Variants in MASP1 observed in about 807,000 individuals in gnomAD.
MASP1 encodes MBL associated serine protease 1, also known as mannan-binding lectin serine protease 1.
Under a neutral mutation model 77.1 loss-of-function variants are expected in MASP1, and 59 were observed. That is an observed-to-expected ratio of 0.77 (90% CI 0.62 to 0.95). The LOEUF (loss-of-function observed/expected upper bound fraction) is 0.95, where lower values mean the gene tolerates loss of function less well. MASP1 is among the 40% of genes least tolerant of loss of function. The pLI, the probability that MASP1 is intolerant of heterozygous loss-of-function variation, is 0.00. For synonymous variants in MASP1, 362 were observed against 354.5 expected, an observed-to-expected ratio of 1.02 and a Z score of -0.24; for missense variants, 885 against 912.9, an observed-to-expected ratio of 0.97 and a Z score of 0.39.
chr3:187,247,018 C>T, intron 8 of MASP1: 4 of 1,277,196 alleles, frequency 3.1e-6, no homozygotes, highest in Non-Finnish European at 4.0e-6. Context: ...TCTTTTGTCT[C>T]AAGGACCAAG....
chr3:187,262,662 T>C lies in MASP1; in HGVS notation c.296A>G (p.Glu99Gly). ...GACCACCTCCTGGCCGGGAGTCTGC[T>C]CTGTGTCTGTGGTCTCCCTGCCACA... ...TFCGRETTDTEQTPGQEVVLS... is the reference protein window; with the variant it reads ...TFCGRETTDTGQTPGQEVVLS... Residue 99 changes from glutamate (E) to glycine (G), a missense_variant, in exon 3 of 11, where the codon GAG becomes GGG. Physicochemically the swap from Glu to Gly is moderately conservative, Grantham distance 98. Coordinates refer to ENST00000296280, the MANE Select transcript of MASP1 (RefSeq NM_139125.4). 1 of 1,614,138 alleles carries C rather than the reference T, an allele frequency of 6.2e-7. No homozygotes were observed. Among genetic ancestry groups the C allele is most frequent in the Non-Finnish European group, 8.5e-7 (1 of 1,180,016 alleles).
chr3:187,265,666 G>A (rs1473624464), intron 2 of MASP1, among the ~76,000 whole-genome samples: 1 of 152,196 alleles, frequency 6.6e-6, no homozygotes, highest in Non-Finnish European at 1.5e-5. Context: ...GGAAACAGAG[G>A]TCAAGAGAGG....
chr3:187,273,533 C>A (rs759297576), intron 2 of MASP1, among the ~76,000 whole-genome samples: 19 of 152,102 alleles, frequency 1.2e-4, no homozygotes, highest in Non-Finnish European at 2.5e-4. Flanking sequence ...CAATGATTCA[C>A]CGACAGCCCC....
chr3:187,234,856 T>C lies in MASP1; in HGVS notation c.*828A>G, dbSNP rs1560236637. The C allele has an allele frequency of 7.8e-7, 1 of 1,287,246 alleles. No homozygotes were observed. The allele number at this position is 1,287,246 out of a possible 1,614,324, so 79.7% of individuals were successfully genotyped here. A position where few individuals can be genotyped will look rare whatever the true frequency, so the allele number is the denominator to read the frequency against. ...TACATTTCAAGGCTGAAAGATTGCT[T>C]TGTGCTTGTCTGGAGCAGCAGGTGT... On this transcript the variant is annotated 3_prime_UTR_variant, in exon 11 of 11. Coordinates refer to ENST00000296280, the MANE Select transcript of MASP1 (RefSeq NM_139125.4).
intron 8 of MASP1, among the ~76,000 whole-genome samples, chr3:187,245,307 T>C (rs575164868): frequency 3.3e-4 from 51 of 152,314 alleles, no homozygotes; most frequent in African/African-American, 1.2e-3. Flanking sequence ...TTGGTATCAC[T>C]CATCTCCCTT....
rs558709704 is a variant in MASP1 at position 187,251,231 on chromosome 3, A to G, written c.1011+403T>C. Reference sequence around the variant, plus strand: ...CGCCTGGGCCTCCCAAAGTGCTGGGATTACAGGCATGAGCCACCATGCTCA... The same window carrying G: ...CGCCTGGGCCTCCCAAAGTGCTGGGGTTACAGGCATGAGCCACCATGCTCA... On this transcript the variant is annotated intron_variant, in intron 7 of 10. Coordinates refer to ENST00000296280, the MANE Select transcript of MASP1 (RefSeq NM_139125.4). 77 of 212,358 alleles carry G rather than the reference A, an allele frequency of 3.6e-4. 1 individual carries two copies. The highest frequency in any genetic ancestry group is 1.7e-3 in the African/African-American group (75 of 43,268). 13.2% of individuals were successfully genotyped at this position (212,358 alleles called of 1,614,324 possible).
chr3:187,235,866 C>T lies in MASP1; in HGVS notation c.2005G>A (p.Val669Ile). Residue 669 changes from valine to isoleucine, a missense_variant, in exon 11 of 11, where the codon GTC becomes ATC. Transcript: ENST00000296280. ...TCLGDSGGAFVIFDDLSQRWV... is the reference protein window; with the variant it reads ...TCLGDSGGAFIIFDDLSQRWV... Reference sequence around the variant, plus strand: ...CGCTGGCTCAAGTCATCAAAGATGACAAAGGCCCCACCGCTATCTCCAAGG... The same window carrying T: ...CGCTGGCTCAAGTCATCAAAGATGATAAAGGCCCCACCGCTATCTCCAAGG... 3.1e-6 allele frequency: 5 copies of T among 1,614,194 alleles called. No individual in the cohort carries two copies. The highest frequency in any genetic ancestry group is 2.5e-6 in the Non-Finnish European group (3 of 1,180,040).
chr3:187,290,028 T>C (rs972026843), intron 1 of MASP1, among the ~76,000 whole-genome samples: 2 of 152,140 alleles, frequency 1.3e-5, no homozygotes, highest in Non-Finnish European at 2.9e-5. Flanking sequence ...TGAATTCAAT[T>C]CAACAAATAG....
chr3:187,251,369 A>C, intron 7 of MASP1: 37 of 430,274 alleles, frequency 8.6e-5, no homozygotes, highest in East Asian at 2.0e-4. Flanking sequence ...ATAGAGCTGT[A>C]TGGATCCATA....
intron 1 of MASP1, among the ~76,000 whole-genome samples, chr3:187,289,389 G>T (rs1271023960): frequency 6.6e-6 from 1 of 152,088 alleles, no homozygotes; most frequent in Non-Finnish European, 1.5e-5. Flanking sequence ...ACGATGAAAA[G>T]GATACCCCAA....
chr3:187,236,292 C>A lies in MASP1; in HGVS notation c.1579G>T (p.Asp527Tyr). 6.2e-7 allele frequency: 1 copy of A among 1,614,262 alleles called. No homozygotes were observed. The highest frequency in any genetic ancestry group is 8.5e-7 in the Non-Finnish European group (1 of 1,180,050). ...TVYLGLHDVR[D>Y]KSGAVNSSAA... ...GAGCTGTTGACTGCCCCCGATTTGT[C>A]TCGCACATCATGCAAGCCCAGGTAG... Residue 527 changes from aspartate (D) to tyrosine (Y), a missense_variant, in exon 11 of 11, where the codon GAC becomes TAC. Coordinates refer to ENST00000296280, the MANE Select transcript of MASP1 (RefSeq NM_139125.4).
chr3:187,265,617 G>C (rs1199028730), intron 2 of MASP1, among the ~76,000 whole-genome samples: 1 of 152,162 alleles, frequency 6.6e-6, no homozygotes, highest in African/African-American at 2.4e-5. Flanking sequence ...AGAGCTGGGC[G>C]GGACCTTTAA....
intron 5 of MASP1, among the ~76,000 whole-genome samples, chr3:187,256,035 C>A (rs745479336): frequency 6.6e-6 from 1 of 152,126 alleles, no homozygotes; most frequent in Non-Finnish European, 1.5e-5. Context: ...ATATCTCCCC[C>A]ATTATCCCAG....
intron 8 of MASP1, chr3:187,246,624 T>C: frequency 1.0e-6 from 1 of 986,210 alleles, no homozygotes; most frequent in Non-Finnish European, 1.2e-6. Context: ...GTTTAGGACC[T>C]GTGATGTCCC....
rs758450107 is a variant in MASP1, at chr3:187,235,681, A to C, written c.*3T>G. 6.2e-7 allele frequency: 1 copy of C among 1,614,064 alleles called. No homozygotes were observed. Among genetic ancestry groups the C allele is most frequent in the South Asian group, 1.1e-5 (1 of 91,076 alleles). ...GAGGCAGGCCCCGAGGAAGTAAGTC[A>C]GCTCACCGTTCCACCTGGGGCTCCA... is the stretch of plus-strand genomic sequence containing the variant. On this transcript the variant is annotated 3_prime_UTR_variant, in exon 11 of 11. Transcript: ENST00000296280.
At chr3:187,220,317 CCTT>C in intron 15 of MASP1, 2 of 1,520,312 alleles carry the variant, frequency 1.3e-6, no homozygotes, top group South Asian at 1.2e-5. Context: ...GCCCAAGTCT[CCTT>C]CTCCCATGTA....
chr3:187,272,407 G>A (rs933766446), intron 2 of MASP1, among the ~76,000 whole-genome samples: 1 of 152,138 alleles, frequency 6.6e-6, no homozygotes, highest in African/African-American at 2.4e-5. Context: ...TGTACTGTAG[G>A]GTGAATTGTG....
intron 2 of MASP1, among the ~76,000 whole-genome samples, chr3:187,269,205 G>C (rs1171187522): frequency 3.9e-5 from 6 of 152,042 alleles, no homozygotes; most frequent in African/African-American, 1.5e-4. Context: ...CAGACCACAA[G>C]GCACCTAAGA....
chr3:187,291,548 A>G, intron 1 of MASP1, 80 bp downstream of exon 1: 14 of 1,567,014 alleles, frequency 8.9e-6, no homozygotes, highest in Non-Finnish European at 1.2e-5. Flanking sequence ...TGAGTCTGTC[A>G]GTGACAAGGT....
Sources: gnomAD v4.1 joint callset for allele counts (sites outside exome capture counted in the v4.1 genomes callset) on GRCh38, gnomAD v4.1.1 for gene constraint, MANE v1.5 for transcripts, NCBI Gene and HGNC (gene_info 2026-07-23, HGNC 2026-07-21) for gene names.